VTI1A: variants seen among roughly 807,000 people sequenced by gnomAD.
VTI1A encodes the protein vesicle transport through interaction with t-SNAREs homolog 1A.
In VTI1A, 22 loss-of-function variants were observed where a neutral mutation model predicts 34.9. That is an observed-to-expected ratio of 0.63 (90% confidence interval 0.45 to 0.90). The LOEUF is 0.90. Ranked by LOEUF, VTI1A falls within the 40% of genes least tolerant of loss-of-function variation. VTI1A has a pLI of 0.00. For synonymous variants in VTI1A, 87 were observed against 97.3 expected (o/e 0.89, Z 0.62); for missense variants, 268 against 275.6 (o/e 0.97, Z 0.20).
chr10:112,582,810 A>G (rs1323111670), intron 5 of VTI1A, among the ~76,000 whole-genome samples: 1 of 152,096 alleles, frequency 6.6e-6, no homozygotes, highest in East Asian at 1.9e-4. Flanking sequence ...TATTGTAAAT[A>G]TAACTCCTCT....
intron 7 of VTI1A, among the ~76,000 whole-genome samples, chr10:112,738,721 G>A (rs1850587688): frequency 1.3e-5 from 2 of 152,060 alleles, no homozygotes; most frequent in South Asian, 2.1e-4. Context: ...TTTACAGTAC[G>A]ACAGAACTGT....
At chr10:112,512,348 T>G (rs1256175914) in intron 3 of VTI1A, among the ~76,000 whole-genome samples, 1 of 152,204 alleles carries the variant, frequency 6.6e-6, no homozygotes, top group African/African-American at 2.4e-5. Context: ...TTTGTGTATC[T>G]TCTTTTGAGA....
At chr10:112,618,708 G>C (rs1845617152) in intron 5 of VTI1A, among the ~76,000 whole-genome samples, 1 of 151,758 alleles carries the variant, frequency 6.6e-6, no homozygotes, top group Admixed American at 6.6e-5. Context: ...ACCATAGATA[G>C]GGAGGACATT....
intron 5 of VTI1A, among the ~76,000 whole-genome samples, chr10:112,543,067 C>T (rs1004451480): frequency 6.6e-6 from 1 of 152,166 alleles, no homozygotes; most frequent in Non-Finnish European, 1.5e-5. Context: ...TTTCTTAATC[C>T]AGTCTATCAT....
intron 7 of VTI1A, among the ~76,000 whole-genome samples, chr10:112,741,478 G>A (rs1850693342): frequency 1.3e-5 from 2 of 152,070 alleles, no homozygotes; most frequent in South Asian, 4.1e-4. Context: ...GGATATTGGG[G>A]TTTCTTTTGC....
At chr10:112,773,689 G>A (rs1477750612) in intron 7 of VTI1A, among the ~76,000 whole-genome samples, 2 of 152,238 alleles carry the variant, frequency 1.3e-5, no homozygotes, top group Non-Finnish European at 2.9e-5. Context: ...ATAGGACCAA[G>A]TGACTGCCCA....
Position 112,513,635 on chromosome 10 carries a change from T to TA in VTI1A, c.265-13450dup, listed in dbSNP as rs1363925334. On this transcript the variant is annotated intron_variant, in intron 3 of 7. Coordinates refer to ENST00000393077, the MANE Select transcript of VTI1A (RefSeq NM_145206.4). Reference sequence around the variant, plus strand: ...TCCCGGATCTTAAAGGAAGAGCATTTAACATTTCACCATGGAGAATTATTT... The same window carrying TA: ...TCCCGGATCTTAAAGGAAGAGCATTTAAACATTTCACCATGGAGAATTATTT... Among the ~76,000 whole-genome samples, 3 of 151,962 alleles carry TA rather than the reference T, an allele frequency of 2.0e-5. No individual in the cohort carries two copies. The South Asian group carries it at 6.2e-4, about 32-fold the overall frequency.
chr10:112,821,625 G>A (rs1321172924), downstream of VTI1A, among the ~76,000 whole-genome samples: 1 of 152,166 alleles, frequency 6.6e-6, no homozygotes, highest in East Asian at 1.9e-4. Context: ...CCCCAGCGCT[G>A]ACAAGCACTT....
At chr10:112,810,387 G>C (rs1426165481) in intron 7 of VTI1A, among the ~76,000 whole-genome samples, 2 of 136,712 alleles carry the variant, frequency 1.5e-5, no homozygotes, top group South Asian at 4.8e-4. Context: ...TGGAGACAGA[G>C]AATGACTCCA....
At chr10:112,538,085 T>G (rs1226246116) in intron 4 of VTI1A, among the ~76,000 whole-genome samples, 161 bp from the exon 5 acceptor site, 1 of 152,106 alleles carries the variant, frequency 6.6e-6, no homozygotes, top group African/African-American at 2.4e-5. Flanking sequence ...CTGTCTATGG[T>G]AGTGGTTCCT....
At chr10:112,511,521 C>T (rs572203006) in intron 3 of VTI1A, among the ~76,000 whole-genome samples, 2 of 152,234 alleles carry the variant, frequency 1.3e-5, no homozygotes, top group Non-Finnish European at 2.9e-5. Context: ...GGATTACAGG[C>T]ATGAGCCACC....
intron 7 of VTI1A, among the ~76,000 whole-genome samples, chr10:112,758,521 T>C (rs1408500737): frequency 2.0e-5 from 3 of 152,134 alleles, no homozygotes; most frequent in Non-Finnish European, 4.4e-5. Context: ...CCAAAGTGAT[T>C]CCAGGGCAAG....
chr10:112,786,417 G>A (rs935119144), intron 7 of VTI1A, among the ~76,000 whole-genome samples: 1 of 152,188 alleles, frequency 6.6e-6, no homozygotes, highest in African/African-American at 2.4e-5. Flanking sequence ...TCCAATCTGG[G>A]TGCCTTTTAC....
rs116193128 is a variant in VTI1A, at chr10:112,675,522, C to T, written c.560+6524C>T. 7.5e-3 allele frequency among the ~76,000 whole-genome samples: 1,135 copies of T among 152,260 alleles called. 11 individuals are homozygous for T. The highest frequency in any genetic ancestry group is 0.026 in the African/African-American group (1,088 of 41,552). ...GCGCTCAGCTGCAGCTACTGTATGCCACAGGAGTCCCAAGTGAGTGTGTTC... is the reference window on the plus strand; with the variant it reads ...GCGCTCAGCTGCAGCTACTGTATGCTACAGGAGTCCCAAGTGAGTGTGTTC... On this transcript the variant is annotated intron_variant, in intron 7 of 7. Coordinates refer to ENST00000393077, the MANE Select transcript of VTI1A (RefSeq NM_145206.4).
chr10:112,738,118 G>A (rs886619116), intron 7 of VTI1A, among the ~76,000 whole-genome samples: 7 of 152,194 alleles, frequency 4.6e-5, no homozygotes, highest in Non-Finnish European at 8.8e-5. Flanking sequence ...AGGGAGTTTA[G>A]ATTCCTCACC....
At chr10:112,548,513 T>C (rs1198679100) in intron 5 of VTI1A, 2 of 589,926 alleles carry the variant, frequency 3.4e-6, no homozygotes, top group African/African-American at 3.7e-5. Context: ...ACCAGTCTTT[T>C]ACTACTAAAC....
the VTI1A span, among the ~76,000 whole-genome samples, chr10:112,845,190 C>T: frequency 2.0e-5 from 3 of 149,544 alleles, no homozygotes; most frequent in East Asian, 1.9e-4. Context: ...GCCTGCTCTG[C>T]GGGGTCCTCT....
intron 5 of VTI1A, among the ~76,000 whole-genome samples, chr10:112,614,428 C>G (rs1845441058): frequency 1.3e-5 from 2 of 152,140 alleles, no homozygotes; most frequent in Non-Finnish European, 2.9e-5. Context: ...TCTTTTGTGG[C>G]TTACCATAAG....
At chr10:112,773,878 A>G (rs1027612442) in intron 7 of VTI1A, among the ~76,000 whole-genome samples, 2 of 152,156 alleles carry the variant, frequency 1.3e-5, no homozygotes, top group Non-Finnish European at 2.9e-5. Context: ...AGATATTGGG[A>G]GGTGTAGGAA....
Sources: gnomAD v4.1 joint callset for allele counts (sites outside exome capture counted in the v4.1 genomes callset) on GRCh38, gnomAD v4.1.1 for gene constraint, MANE v1.5 for transcripts, NCBI Gene and HGNC (gene_info 2026-07-23, HGNC 2026-07-21) for gene names.